The following EPHB1 variants were observed in gnomAD, a reference collection of about 807,000 sequenced individuals.
EPHB1 encodes the protein EPH receptor B1.
In EPHB1, 30 loss-of-function variants were observed where a neutral mutation model predicts 94.4. The ratio of observed to expected loss-of-function variants is 0.32; its 90% CI spans 0.24 to 0.43. The LOEUF (loss-of-function observed/expected upper bound fraction) is 0.43. Ranked by LOEUF, EPHB1 falls within the 20% of genes least tolerant of loss-of-function variation. The pLI is 1.00. For synonymous variants in EPHB1, 522 were observed against 489.1 expected, an observed-to-expected ratio of 1.07 and a Z score of -0.89; for missense variants, 1,055 against 1,308.3, an observed-to-expected ratio of 0.81 and a Z score of 2.99.
intron 10 of EPHB1, among the ~76,000 whole-genome samples, chr3:135,190,897 C>T (rs1055362044): frequency 2.0e-5 from 3 of 152,158 alleles, no homozygotes; most frequent in Non-Finnish European, 4.4e-5. Flanking sequence ...AGGAATGAGA[C>T]TTGGTCTGAC....
At chr3:135,172,972 C>A (rs1941847931) in intron 9 of EPHB1, among the ~76,000 whole-genome samples, 1 of 152,164 alleles carries the variant, frequency 6.6e-6, no homozygotes, top group South Asian at 2.1e-4. Context: ...GAAGGACCAG[C>A]CTGTCCCCGT....
At chr3:134,980,083 T>G (rs953612676) in intron 3 of EPHB1, among the ~76,000 whole-genome samples, 4 of 152,358 alleles carry the variant, frequency 2.6e-5, no homozygotes, top group South Asian at 2.1e-4. Flanking sequence ...GAGTTATTTC[T>G]GCTTCATTAT....
chr3:135,084,233 C>A (rs1191516040), intron 3 of EPHB1, among the ~76,000 whole-genome samples: 2 of 152,126 alleles, frequency 1.3e-5, no homozygotes, highest in African/African-American at 4.8e-5. Flanking sequence ...AGATGCCCTG[C>A]ACGCTAATGG....
intron 12 of EPHB1, among the ~76,000 whole-genome samples, chr3:135,237,277 TACACACACAC>T (rs10572168): frequency 1.7e-4 from 25 of 147,450 alleles, no homozygotes; most frequent in African/African-American, 4.5e-4. Flanking sequence ...CACCAAATTC[TACACACACAC>T]ACACACACAC....
chr3:134,963,147 TTCCTTCCTTCC>T (rs1933592619), intron 3 of EPHB1, among the ~76,000 whole-genome samples: 2 of 101,202 alleles, frequency 2.0e-5, no homozygotes, highest in African/African-American at 9.1e-5. Flanking sequence ...CCTTCCTTCC[TTCCTTCCTTCC>T]TTCCTTCCTT....
chr3:135,035,331 A>G (rs549715471), intron 3 of EPHB1, among the ~76,000 whole-genome samples: 1 of 152,312 alleles, frequency 6.6e-6, no homozygotes, highest in East Asian at 1.9e-4. Context: ...TTTCCACTGA[A>G]AGAAACTGGC....
intron 3 of EPHB1, among the ~76,000 whole-genome samples, chr3:134,993,134 A>G (rs143495310): frequency 1.8e-3 from 268 of 152,318 alleles, no homozygotes; most frequent in African/African-American, 6.2e-3. Flanking sequence ...AATCCCCATT[A>G]AGAGGTTGCT....
intron 1 of EPHB1, among the ~76,000 whole-genome samples, chr3:134,875,250 C>T (rs1218481125): frequency 2.0e-5 from 3 of 152,198 alleles, no homozygotes; most frequent in East Asian, 1.9e-4. Context: ...TGTCCCTGAT[C>T]TCTTTCTATT....
intron 14 of EPHB1, 71 bp downstream of exon 14, chr3:135,248,580 G>A (rs2107731493): frequency 6.9e-7 from 1 of 1,444,824 alleles, no homozygotes; most frequent in Non-Finnish European, 9.3e-7. Context: ...AGCAGCCTCT[G>A]ACCATGATCA....
chr3:134,844,270 C>A (rs923915639), intron 1 of EPHB1, among the ~76,000 whole-genome samples: 1 of 152,224 alleles, frequency 6.6e-6, no homozygotes, highest in East Asian at 1.9e-4. Context: ...GACTTGCATT[C>A]TCTGCCATTG....
chr3:134,826,762 G>A (rs578182546), intron 1 of EPHB1, among the ~76,000 whole-genome samples: 14 of 152,246 alleles, frequency 9.2e-5, no homozygotes, highest in African/African-American at 2.2e-4. Context: ...TTCTTGTCCC[G>A]TTCCCGAGGG....
At position 135,244,233 on chromosome 3, in the gene EPHB1, C is replaced by T. The variant is rs115077257; in HGVS notation, c.2496+2936C>T. On this transcript the variant is annotated intron_variant, in intron 13 of 15. Transcript: ENST00000398015. The stretch of plus-strand genomic sequence containing the variant: ...AGGCAACCCCTCACCACACCTCCTC[C>T]CTGCCTCTTTAATTAGATCCCAGGA... Among the ~76,000 whole-genome samples, 265 of 152,300 alleles carry T rather than the reference C, an allele frequency of 1.7e-3. 1 individual carries two copies. The highest frequency in any genetic ancestry group is 6.0e-3 in the South Asian group (29 of 4,824).
At chr3:134,836,634 T>C (rs1311934920) in intron 1 of EPHB1, among the ~76,000 whole-genome samples, 2 of 152,256 alleles carry the variant, frequency 1.3e-5, no homozygotes, top group Admixed American at 6.5e-5. Context: ...ATTATGAATA[T>C]TTACATTCAA....
At chr3:135,196,905 T>G (rs185034318) in intron 11 of EPHB1, among the ~76,000 whole-genome samples, 3 of 152,090 alleles carry the variant, frequency 2.0e-5, no homozygotes, top group Non-Finnish European at 2.9e-5. Flanking sequence ...CATAATTAAA[T>G]TTTTCCTTCT....
At chr3:135,119,562 C>A (rs1207814612) in intron 4 of EPHB1, among the ~76,000 whole-genome samples, 2 of 152,136 alleles carry the variant, frequency 1.3e-5, no homozygotes, top group Non-Finnish European at 2.9e-5. Flanking sequence ...AAGCAATTCT[C>A]CCACCTCAGC....
At chr3:135,098,837 C>T (rs1272483021) in intron 3 of EPHB1, among the ~76,000 whole-genome samples, 1 of 151,820 alleles carries the variant, frequency 6.6e-6, no homozygotes, top group Non-Finnish European at 1.5e-5. Flanking sequence ...CACGGTAAAA[C>T]CCCGTCTGTA....
intron 2 of EPHB1, among the ~76,000 whole-genome samples, chr3:134,930,305 A>T (rs954402988): frequency 2.0e-5 from 3 of 152,276 alleles, no homozygotes; most frequent in Non-Finnish European, 4.4e-5. Context: ...AAAACCAGAA[A>T]GTACGCCCAG....
rs528297995 is a variant in EPHB1 at position 135,184,238 on chromosome 3, C to A, written c.1882+4256C>A. 2.0e-5 allele frequency among the ~76,000 whole-genome samples: 3 copies of A among 152,188 alleles called. No homozygotes were observed. The South Asian group carries it at 6.2e-4, about 32-fold the overall frequency. The stretch of plus-strand genomic sequence containing the variant: ...TAAGGGAGAGTAAGGCTGCCTGGCA[C>A]CCAGGTTGTGGGGAGTGGCAGTTGT... On this transcript the variant is annotated intron_variant, in intron 10 of 15. Transcript: ENST00000398015.
chr3:134,847,933 C>A (rs951616998), intron 1 of EPHB1, among the ~76,000 whole-genome samples: 26 of 152,204 alleles, frequency 1.7e-4, no homozygotes, highest in African/African-American at 6.3e-4. Context: ...CTTGCACATA[C>A]TTGGTGCTTA....
Sources: allele counts gnomAD v4.1 joint callset (sites outside exome capture counted in the v4.1 genomes callset), GRCh38; gene constraint gnomAD v4.1.1; transcripts MANE v1.5; gene names NCBI Gene and HGNC (gene_info 2026-07-23, HGNC 2026-07-21).